PTCD3: variants seen among roughly 807,000 people sequenced by gnomAD.
PTCD3 encodes pentatricopeptide repeat domain 3, also known as small ribosomal subunit protein mS39.
Under a neutral mutation model 101.9 loss-of-function variants are expected in PTCD3, and 89 were observed. That is an observed-to-expected ratio of 0.87 (90% CI 0.74 to 1.04). The LOEUF (loss-of-function observed/expected upper bound fraction) is 1.04. Ranked by LOEUF, PTCD3 falls within the 50% of genes least tolerant of loss-of-function variation. PTCD3 has a pLI of 0.00. For missense variants in PTCD3, 870 were observed against 828.2 expected, an observed-to-expected ratio of 1.05 and a Z score of -0.62; for synonymous variants, 296 against 278.5, an observed-to-expected ratio of 1.06 and a Z score of -0.63.
intron 6 of PTCD3, 81 bp from the exon 7 acceptor site, chr2:86,118,840 T>C: frequency 6.9e-7 from 1 of 1,455,196 alleles, no homozygotes; most frequent in Non-Finnish European, 9.3e-7. Context: ...GGTATGTTGG[T>C]GATAAAAGTT....
intron 1 of PTCD3, 130 bp downstream of exon 1, chr2:86,106,481 T>G: frequency 2.4e-6 from 2 of 822,450 alleles, no homozygotes; most frequent in Non-Finnish European, 3.8e-6. Context: ...CGCGTGCCCT[T>G]AAGACCAGGT....
In PTCD3 at chr2:86,127,973, C is replaced by G; in HGVS notation, c.1129C>G (p.Arg377Gly). 15 of 1,610,060 alleles carry G rather than the reference C, an allele frequency of 9.3e-6. No homozygotes were observed. The highest frequency in any genetic ancestry group is 1.2e-5 in the Non-Finnish European group (14 of 1,176,522). Residue 377 changes from arginine (R) to glycine (G), a missense_variant, in exon 14 of 24, where the codon CGC (arginine) becomes GGC (glycine). Physicochemically the swap from Arg to Gly is moderately radical, Grantham distance 125. Transcript: ENST00000254630. ...GCTTGCAACATATCACCATATTATT[C>G]GCCTGTTTGATCAACCTGGTATGTA... Reference protein sequence around the residue: ...PSLATYHHIIRLFDQPGDPLK... With the variant: ...PSLATYHHIIGLFDQPGDPLK...
At chr2:86,136,755 T>C (rs1674591299) in intron 22 of PTCD3, 193 bp downstream of exon 22, 1 of 796,596 alleles carries the variant, frequency 1.3e-6, no homozygotes, top group African/African-American at 1.7e-5. Flanking sequence ...ACATTGGGGC[T>C]ACATTGAATA....
intron 8 of PTCD3, 143 bp downstream of exon 8, chr2:86,121,737 A>G (rs1674286529): frequency 1.9e-6 from 1 of 521,412 alleles, no homozygotes; most frequent in South Asian, 3.0e-5. Context: ...GCCTTGATAA[A>G]AAGTGGTATA....
chr2:86,110,576 A>G (rs970037296), intron 3 of PTCD3, among the ~76,000 whole-genome samples: 1 of 152,314 alleles, frequency 6.6e-6, no homozygotes, highest in South Asian at 2.1e-4. Context: ...CTGGCCTGCA[A>G]TTCTTACCAT....
In PTCD3 at chr2:86,141,428, T is replaced by C. The variant is rs1276543845; in HGVS notation, c.*3869T>C. ...CTGTGTTAAATCAAATGATCTGTTC[T>C]GCACTGAGCCAAGCAAGTTACTTTT... On this transcript the variant is annotated 3_prime_UTR_variant, in exon 24 of 24. Transcript: ENST00000254630. 2.0e-5 allele frequency: 3 copies of C among 152,234 alleles called. No homozygotes were observed. The highest frequency in any genetic ancestry group is 1.9e-4 in the East Asian group (1 of 5,196). The allele number at this position is 152,234 out of a possible 1,614,324, so 9.4% of individuals were successfully genotyped here.
chr2:86,134,450 A>G (rs1674546251), intron 20 of PTCD3, 73 bp downstream of exon 20: 1 of 1,274,728 alleles, frequency 7.8e-7, no homozygotes, highest in Non-Finnish European at 1.1e-6. Context: ...CCCTGGTTTT[A>G]TCTGCCATTT....
chr2:86,107,507 C>T (rs1390723137), intron 1 of PTCD3, among the ~76,000 whole-genome samples: 2 of 152,154 alleles, frequency 1.3e-5, no homozygotes, highest in African/African-American at 4.8e-5. Context: ...AGGGGAAACA[C>T]AAGATAATAC....
At chr2:86,134,188 T>A (rs956176192) in intron 19 of PTCD3, 104 bp from the exon 20 acceptor site, 14 of 802,000 alleles carry the variant, frequency 1.7e-5, no homozygotes, top group African/African-American at 5.2e-5. Flanking sequence ...CTAGAATAAA[T>A]AACAGCAACT....
At position 86,128,084 on chromosome 2, in the gene PTCD3, A is replaced by C. The variant is rs1007039796; in HGVS notation, c.1147+93A>C. ...TAATTGTTGTAGTTATCTTCTCTGC[A>C]TATGAATTAAGAAGAGAGAATTTGT... is the stretch of plus-strand genomic sequence containing the variant. On this transcript the variant is annotated intron_variant, in intron 14 of 23. Transcript: ENST00000254630. The C allele has an allele frequency of 2.6e-5, 27 of 1,055,322 alleles. No individual in the cohort carries two copies. In the African/African-American group the frequency reaches 3.9e-4, roughly 15 times the overall value. 65.4% of individuals were successfully genotyped at this position (1,055,322 alleles called of 1,614,324 possible). A position where few individuals can be genotyped will look rare whatever the true frequency, so the allele number is the denominator to read the frequency against.
chr2:86,133,121 C>A, intron 17 of PTCD3, 57 bp from the exon 18 acceptor site: 1 of 1,574,076 alleles, frequency 6.4e-7, no homozygotes, highest in South Asian at 1.2e-5. Flanking sequence ...ACCCTTATTT[C>A]CCCTGTTGTT....
chr2:86,114,230 G>C (rs1472898927), intron 4 of PTCD3, among the ~76,000 whole-genome samples: 1 of 152,108 alleles, frequency 6.6e-6, no homozygotes, highest in Non-Finnish European at 1.5e-5. Context: ...GGAAGACTGA[G>C]GTAGCACTGA....
At chr2:86,110,460 G>A (rs1220674266) in intron 3 of PTCD3, among the ~76,000 whole-genome samples, 1 of 152,170 alleles carries the variant, frequency 6.6e-6, no homozygotes, top group Non-Finnish European at 1.5e-5. Context: ...ATCTAACATA[G>A]GAGCACAAAT....
intron 6 of PTCD3, among the ~76,000 whole-genome samples, chr2:86,117,647 G>A (rs1031388069): frequency 6.6e-6 from 1 of 151,990 alleles, no homozygotes; most frequent in Non-Finnish European, 1.5e-5. Context: ...GTAGAGAACA[G>A]GGTCTTGTCT....
At chr2:86,123,667 A>G (rs554233059) in intron 8 of PTCD3, 34 bp from the exon 9 acceptor site, 1 of 1,515,372 alleles carries the variant, frequency 6.6e-7, no homozygotes, top group South Asian at 1.2e-5. Context: ...CCATTGCCTT[A>G]ACTTTTATTT....
In PTCD3 at chr2:86,136,324, A is replaced by G. The variant is rs138989521; in HGVS notation, c.1779-197A>G. ...AACTGCAGTGTAGATTCGTTTGGGG[A>G]GTTTAAGCACCTGCGGTGATTCTCA... On this transcript the variant is annotated intron_variant, in intron 21 of 23. Transcript: ENST00000254630. 1.8e-3 allele frequency among the ~76,000 whole-genome samples: 260 copies of G among 147,370 alleles called. 4 individuals are homozygous for G. The highest frequency in any genetic ancestry group is 6.3e-3 in the African/African-American group (250 of 39,832).
Position 86,138,643 on chromosome 2 carries a change from G to A in PTCD3, c.*1084G>A. The A allele has an allele frequency of 6.8e-6, 1 of 146,646 alleles. No homozygotes were observed. Among genetic ancestry groups the A allele is most frequent in the Admixed American group, 6.9e-5 (1 of 14,558 alleles). 9.1% of individuals were successfully genotyped at this position (146,646 alleles called of 1,614,324 possible). On this transcript the variant is annotated 3_prime_UTR_variant, in exon 24 of 24. Coordinates refer to ENST00000254630, the MANE Select transcript of PTCD3 (RefSeq NM_017952.6). ...AAAGTATGGTTTTTGTTTTCTCTTG[G>A]AATGTCAGGTCTTAAGGCATTTAAT...
In PTCD3 at chr2:86,132,385, G is replaced by A; in HGVS notation, c.1334G>A (p.Trp445Ter). The change falls in exon 17 of 24, where the codon TGG becomes TAG. Residue 445 changes from tryptophan (W) to a stop codon, truncating the protein, a stop_gained. Transcript: ENST00000254630. LOFTEE classifies it high-confidence loss of function. ...VHGLLKTGDN[W>*]KFIGPDQHRN... is the part of the protein sequence containing the mutation. ...GGCCTTTTAAAAACCGGAGACAACT[G>A]GAAATTCATTGGACCTGATCAACAT... The A allele has an allele frequency of 5.6e-6, 9 of 1,607,824 alleles. No homozygotes were observed. Among genetic ancestry groups the A allele is most frequent in the Non-Finnish European group, 7.7e-6 (9 of 1,174,556 alleles).
chr2:86,135,053 C>G, intron 21 of PTCD3, 66 bp downstream of exon 21: 1 of 1,499,682 alleles, frequency 6.7e-7, no homozygotes, highest in Admixed American at 2.0e-5. Context: ...CATTGGCCCA[C>G]GCTGGTAGAG....
Sources: allele counts gnomAD v4.1 joint callset (sites outside exome capture counted in the v4.1 genomes callset), GRCh38; gene constraint gnomAD v4.1.1; transcripts MANE v1.5; gene names NCBI Gene and HGNC (gene_info 2026-07-23, HGNC 2026-07-21).